The following UTRN variants were observed in gnomAD, a reference collection of about 807,000 sequenced individuals.
The protein encoded by UTRN is dystrophin-related protein 1.
In UTRN, 283 loss-of-function variants were observed where a neutral mutation model predicts 463.9. The observed-to-expected ratio is 0.61, with a 90% confidence interval of 0.55 to 0.67. The LOEUF (loss-of-function observed/expected upper bound fraction) is 0.67. Ranked by LOEUF, UTRN falls within the 30% of genes least tolerant of loss-of-function variation. The probability of loss-of-function intolerance (pLI) is 0.00; values close to 1 mark genes in which losing one functional copy is unlikely to be tolerated. For missense variants in UTRN, 3,922 were observed against 4,084.3 expected (o/e 0.96, Z 1.08); for synonymous variants, 1,442 against 1,431.5 (o/e 1.01, Z -0.17).
chr6:144,439,896 A>G (rs1013753273), intron 12 of UTRN, among the ~76,000 whole-genome samples: 2 of 152,186 alleles, frequency 1.3e-5, no homozygotes, highest in Admixed American at 6.5e-5. Flanking sequence ...TAACTGCTTT[A>G]TTGGGTAGCT....
intron 51 of UTRN, among the ~76,000 whole-genome samples, chr6:144,596,330 AAAC>A (rs1803639330): frequency 6.6e-6 from 1 of 152,180 alleles, no homozygotes; most frequent in Non-Finnish European, 1.5e-5. Context: ...TATGCAGATC[AAAC>A]AGGGCAGTGA....
chr6:144,656,512 G>A (rs1779327970), intron 51 of UTRN, among the ~76,000 whole-genome samples: 1 of 152,166 alleles, frequency 6.6e-6, no homozygotes, highest in Non-Finnish European at 1.5e-5. Flanking sequence ...TCTGGGCTCA[G>A]GTGATTCTCC....
At chr6:144,288,756 C>CTTTT (rs1197688763) in intron 1 of UTRN, among the ~76,000 whole-genome samples, 25 of 132,238 alleles carry the variant, frequency 1.9e-4, no homozygotes, top group East Asian at 6.9e-4. Context: ...CTCTCTCTCT[C>CTTTT]TTTTTTTTTT....
chr6:144,347,826 G>T (rs1777714704), intron 2 of UTRN, among the ~76,000 whole-genome samples: 1 of 143,612 alleles, frequency 7.0e-6, no homozygotes, highest in African/African-American at 3.0e-5. Context: ...CTGAACTGTG[G>T]CTTATTCTTT....
At chr6:144,301,346 T>C (rs1805228026) in intron 2 of UTRN, among the ~76,000 whole-genome samples, 1 of 151,784 alleles carries the variant, frequency 6.6e-6, no homozygotes, top group South Asian at 2.1e-4. Context: ...ATTAGAAGAG[T>C]GTTGGTGTTT....
intron 65 of UTRN, 111 bp from the exon 66 acceptor site, chr6:144,820,771 C>T (rs779950042): frequency 1.2e-5 from 16 of 1,366,794 alleles, no homozygotes; most frequent in Non-Finnish European, 1.6e-5. Context: ...CATAAAACTA[C>T]CAAAACTGTT....
intron 53 of UTRN, among the ~76,000 whole-genome samples, chr6:144,704,219 T>G (rs1300856978): frequency 3.3e-5 from 5 of 152,242 alleles, no homozygotes; most frequent in Non-Finnish European, 7.3e-5. Flanking sequence ...CCCTCTTTTT[T>G]GCTCTATTAT....
intron 44 of UTRN, among the ~76,000 whole-genome samples, chr6:144,538,682 A>G (rs1484056664): frequency 1.3e-5 from 2 of 152,120 alleles, no homozygotes; most frequent in East Asian, 3.9e-4. Context: ...AAAAAAAAAA[A>G]AAAAAGAAAT....
At chr6:144,727,817 G>A (rs1183066753) in intron 53 of UTRN, among the ~76,000 whole-genome samples, 2 of 152,050 alleles carry the variant, frequency 1.3e-5, no homozygotes, top group Non-Finnish European at 2.9e-5. Flanking sequence ...CTTGCTGGGT[G>A]TGGTGGCTCA....
chr6:144,803,028 T>C lies in UTRN; in HGVS notation c.9246-8T>C. ...GCAAGCCAATAAATTTTCTTTTGTT[T>C]TCTCTAGGTATAGAAGCCTTAAGCA... On this transcript the variant is annotated splice_region_variant and splice_polypyrimidine_tract_variant and intron_variant, in intron 64 of 74. Transcript: ENST00000367545. 1 of 1,531,794 alleles carries C rather than the reference T, an allele frequency of 6.5e-7. No homozygotes were observed. Among genetic ancestry groups the C allele is most frequent in the African/African-American group, 1.4e-5 (1 of 71,648 alleles). 94.9% of individuals were successfully genotyped at this position (1,531,794 alleles called of 1,614,324 possible). A position where few individuals can be genotyped will look rare whatever the true frequency, so the allele number is the denominator to read the frequency against.
intron 51 of UTRN, among the ~76,000 whole-genome samples, chr6:144,608,604 T>G (rs1338859489): frequency 2.0e-5 from 3 of 152,132 alleles, no homozygotes; most frequent in Non-Finnish European, 4.4e-5. Flanking sequence ...ACACAGAGAA[T>G]TTCCCTAGAC....
rs374956062 is a variant in UTRN, at chr6:144,561,258, T to TACACACACAC, written c.7289+3948_7289+3949insCACACACACA. On this transcript the variant is annotated intron_variant, in intron 50 of 74. Transcript: ENST00000367545. ...ATATATATATATATATATATATATA[T>TACACACACAC]ATACATACACACACACACGTATACA... Among the ~76,000 whole-genome samples the TACACACACAC allele has an allele frequency of 3.3e-4, 26 of 78,812 alleles. 1 individual carries two copies. In the East Asian group the frequency reaches 4.8e-3, roughly 15 times the overall value. 51.7% of individuals were successfully genotyped at this position (78,812 alleles called of 152,430 possible).
chr6:144,781,365 A>C (rs1332702624), intron 60 of UTRN, among the ~76,000 whole-genome samples: 3 of 152,340 alleles, frequency 2.0e-5, no homozygotes, highest in African/African-American at 7.2e-5. Flanking sequence ...TTGATTCAGC[A>C]GGCAGTGGAG....
At chr6:144,565,909 G>A (rs767999882) in intron 50 of UTRN, among the ~76,000 whole-genome samples, 1 of 152,034 alleles carries the variant, frequency 6.6e-6, no homozygotes, top group Admixed American at 6.5e-5. Context: ...GTAAGGTTAA[G>A]AGAGTCGATT....
intron 51 of UTRN, among the ~76,000 whole-genome samples, chr6:144,668,759 A>G (rs1780685199): frequency 6.6e-6 from 1 of 152,054 alleles, no homozygotes; most frequent in Non-Finnish European, 1.5e-5. Flanking sequence ...CAAAGGCCCC[A>G]CCTCCTAATA....
Position 144,852,893 on chromosome 6 carries a change from TAAAAA to T in UTRN, c.*1897_*1901del, listed in dbSNP as rs2128768141. The T allele has an allele frequency of 6.5e-6, 1 of 152,686 alleles. No homozygotes were observed. Among genetic ancestry groups the T allele is most frequent in the Non-Finnish European group, 1.5e-5 (1 of 67,994 alleles). The allele number at this position is 152,686 out of a possible 1,614,324, so 9.5% of individuals were successfully genotyped here. A position where few individuals can be genotyped will look rare whatever the true frequency, so the allele number is the denominator to read the frequency against. On this transcript the variant is annotated 3_prime_UTR_variant, in exon 75 of 75. Transcript: ENST00000367545. The stretch of plus-strand genomic sequence containing the variant: ...TTGTAACCTTCTAAGTAATAATAAA[TAAAAA>T]GAAATATATTGCAGTAACAATGGGA...
chr6:144,531,086 T>A lies in UTRN; in HGVS notation c.5941T>A (p.Phe1981Ile). 6.2e-7 allele frequency: 1 copy of A among 1,614,034 alleles called. No homozygotes were observed. Among genetic ancestry groups the A allele is most frequent in the South Asian group, 1.1e-5 (1 of 91,070 alleles). Residue 1981 changes from phenylalanine to isoleucine, a missense_variant, in exon 42 of 75, where the codon TTC becomes ATC. Phe to Ile is a conservative substitution (Grantham distance 21, BLOSUM62 0). Transcript: ENST00000367545. ...CAGGGCAATGGAAGAATGGAGACAG[T>A]TCCATTGTGACCTTAATGACCTCAC... ...FDRAMEEWRQFHCDLNDLTQW... is the reference protein window; with the variant it reads ...FDRAMEEWRQIHCDLNDLTQW...
At chr6:144,363,884 A>G (rs1779283978) in intron 2 of UTRN, among the ~76,000 whole-genome samples, 1 of 152,238 alleles carries the variant, frequency 6.6e-6, no homozygotes, top group Admixed American at 6.5e-5. Flanking sequence ...ATACCATGCT[A>G]GGTAGGCATT....
intron 2 of UTRN, among the ~76,000 whole-genome samples, chr6:144,296,137 A>G (rs111777442): frequency 0.043 from 6,541 of 151,968 alleles, 453 homozygotes; most frequent in African/African-American, 0.15. Context: ...GGGCTCCCCA[A>G]CTCCCAGGGC....
Sources: allele counts gnomAD v4.1 joint callset (sites outside exome capture counted in the v4.1 genomes callset), GRCh38; gene constraint gnomAD v4.1.1; transcripts MANE v1.5; gene names NCBI Gene and HGNC (gene_info 2026-07-23, HGNC 2026-07-21).